The following PCBP3 variants were observed in gnomAD, a reference collection of about 807,000 sequenced individuals.
PCBP3 encodes poly(rC)-binding protein 3.
A neutral mutation model predicts 52.7 loss-of-function variants in PCBP3; 25 were observed. The ratio of observed to expected loss-of-function variants is 0.47; its 90% CI spans 0.35 to 0.66. The LOEUF is 0.66. Ranked by LOEUF, PCBP3 falls within the 30% of genes least tolerant of loss-of-function variation. The probability of loss-of-function intolerance (pLI) is 0.01; values close to 1 mark genes in which losing one functional copy is unlikely to be tolerated. For synonymous variants in PCBP3, 162 were observed against 183.0 expected, an observed-to-expected ratio of 0.89 and a Z score of 0.93; for missense variants, 391 against 490.3, an observed-to-expected ratio of 0.80 and a Z score of 1.91.
chr21:45,810,874 G>T (rs1302943010), intron 4 of PCBP3, among the ~76,000 whole-genome samples: 1 of 152,074 alleles, frequency 6.6e-6, no homozygotes, highest in African/African-American at 2.4e-5. Flanking sequence ...TTTACAGTTT[G>T]TATCAATTTT....
chr21:45,852,889 A>T lies in PCBP3; in HGVS notation c.10+2794A>T, dbSNP rs1158799471. 5.3e-5 allele frequency among the ~76,000 whole-genome samples: 8 copies of T among 152,376 alleles called. No individual in the cohort carries two copies. The East Asian group carries it at 1.5e-3, about 29-fold the overall frequency. ...ATCAGCAATAGTAAACTAATACAGTAACTTTTATAGAAAAATGGGTGAAGG... is the reference window on the plus strand; with the variant it reads ...ATCAGCAATAGTAAACTAATACAGTTACTTTTATAGAAAAATGGGTGAAGG... On this transcript the variant is annotated intron_variant, in intron 5 of 17. Coordinates refer to ENST00000681687, the MANE Select transcript of PCBP3 (RefSeq NM_001384156.1).
chr21:45,659,850 A>G (rs1381867383), intron 1 of PCBP3, among the ~76,000 whole-genome samples: 2 of 151,920 alleles, frequency 1.3e-5, no homozygotes, highest in African/African-American at 2.4e-5. Flanking sequence ...TTTGGGACTT[A>G]TTTTCTTGGC....
chr21:45,644,456 C>T (rs2146630108), intron 1 of PCBP3, among the ~76,000 whole-genome samples: 1 of 152,180 alleles, frequency 6.6e-6, no homozygotes, highest in East Asian at 1.9e-4. Context: ...GAACGTGTTT[C>T]TTATTGTCCC....
At chr21:45,879,669 A>G (rs1204283032) in intron 5 of PCBP3, among the ~76,000 whole-genome samples, 5 of 151,700 alleles carry the variant, frequency 3.3e-5, no homozygotes. Context: ...AGATAACTGG[A>G]AATTTTCCAA....
chr21:45,782,005 G>C (rs1383311928), intron 4 of PCBP3, among the ~76,000 whole-genome samples: 3 of 152,122 alleles, frequency 2.0e-5, no homozygotes, highest in Non-Finnish European at 4.4e-5. Flanking sequence ...GTGCCGTTAT[G>C]TGTATCAGTA....
At position 45,829,900 on chromosome 21, in the gene PCBP3, C is replaced by A. The variant is rs2093405051; in HGVS notation, c.-125-20061C>A. 1 of 152,770 alleles carries A rather than the reference C, an allele frequency of 6.5e-6. No homozygotes were observed. Among genetic ancestry groups the A allele is most frequent in the Admixed American group, 6.5e-5 (1 of 15,284 alleles). 9.5% of individuals were successfully genotyped at this position (152,770 alleles called of 1,614,324 possible). Reference sequence around the variant, plus strand: ...TTCTTCAAGTGGGCCCTCATCCTGGCAATCTCACCATGCCATGGCAACTGC... The same window carrying A: ...TTCTTCAAGTGGGCCCTCATCCTGGAAATCTCACCATGCCATGGCAACTGC... On this transcript the variant is annotated intron_variant, in intron 4 of 17. Transcript: ENST00000681687. This position sits in a 1 kb window ranked among gnomAD's most constrained non-coding sequence, Gnocchi z 5.2.
rs572641809 is a variant in PCBP3 at position 45,791,109 on chromosome 21, G to T, written c.-126+35657G>T. On this transcript the variant is annotated intron_variant, in intron 4 of 17. Coordinates refer to ENST00000681687, the MANE Select transcript of PCBP3 (RefSeq NM_001384156.1). The surrounding 1 kb of genome is among the most constrained non-coding windows in gnomAD (Gnocchi z 4.2). ...AGGCCAGCATCTTGCAGTGGCGAAG[G>T]TGCAGAGATGGTGGGGTCCATCCCA... Among the ~76,000 whole-genome samples, 138 of 152,298 alleles carry T rather than the reference G, an allele frequency of 9.1e-4. No homozygotes were observed. Among genetic ancestry groups the T allele is most frequent in the Middle Eastern group, 3.4e-3 (1 of 294 alleles).
At chr21:45,836,078 A>G (rs1365649981) in intron 4 of PCBP3, among the ~76,000 whole-genome samples, 1 of 152,194 alleles carries the variant, frequency 6.6e-6, no homozygotes, top group East Asian at 1.9e-4. Context: ...GGCCACCCAC[A>G]GTAGCTCCTC....
At chr21:45,673,480 G>A (rs1017389319) in intron 2 of PCBP3, 1 of 152,116 alleles carries the variant, frequency 6.6e-6, no homozygotes, top group Non-Finnish European at 1.5e-5. Flanking sequence ...GAAGAGTTTT[G>A]TATTTAAGTT....
chr21:45,879,190 GC>G (rs1207622502), intron 5 of PCBP3, among the ~76,000 whole-genome samples: 2 of 152,090 alleles, frequency 1.3e-5, no homozygotes, highest in Non-Finnish European at 2.9e-5. Context: ...TCTCTGTGTT[GC>G]CCGGGCTGGT....
intron 5 of PCBP3, among the ~76,000 whole-genome samples, chr21:45,864,267 G>C (rs986070691): frequency 1.3e-5 from 2 of 152,144 alleles, no homozygotes; most frequent in African/African-American, 2.4e-5. Context: ...CCACTAGCGT[G>C]GGGTACTGAA....
At chr21:45,915,127 C>T (rs1402685351) in intron 12 of PCBP3, 3 of 152,292 alleles carry the variant, frequency 2.0e-5, no homozygotes, top group Non-Finnish European at 4.4e-5. Flanking sequence ...ACACCCCTTC[C>T]TGTCTTGCTG....
chr21:45,686,075 C>T (rs896169064), intron 2 of PCBP3, among the ~76,000 whole-genome samples: 3 of 151,960 alleles, frequency 2.0e-5, no homozygotes, highest in African/African-American at 7.3e-5. Flanking sequence ...TCTGCTACCA[C>T]CTTGGCTAAT....
intron 2 of PCBP3, among the ~76,000 whole-genome samples, chr21:45,700,013 AT>A (rs2083016498): frequency 6.6e-6 from 1 of 152,138 alleles, no homozygotes; most frequent in Non-Finnish European, 1.5e-5. Context: ...ATTAGCTCAA[AT>A]GTCCACAGTC....
chr21:45,886,863 G>A (rs1369503018), intron 5 of PCBP3, among the ~76,000 whole-genome samples: 1 of 152,188 alleles, frequency 6.6e-6, no homozygotes, highest in Non-Finnish European at 1.5e-5. Flanking sequence ...AGCCACCCCC[G>A]CATGGGGTTC....
chr21:45,655,255 T>G (rs907221231), intron 1 of PCBP3, among the ~76,000 whole-genome samples: 2 of 152,024 alleles, frequency 1.3e-5, no homozygotes, highest in Non-Finnish European at 2.9e-5. Flanking sequence ...GTAACTCTGT[T>G]TAACTTTTTG....
At chr21:45,940,647 C>A (rs2077353262) in intron 17 of PCBP3, among the ~76,000 whole-genome samples, 1 of 151,544 alleles carries the variant, frequency 6.6e-6, no homozygotes, top group Non-Finnish European at 1.5e-5. Flanking sequence ...TCCATGGGTC[C>A]CTGTGCACAT....
chr21:45,910,958 A>T lies in PCBP3; in HGVS notation c.528A>T (p.Arg176=). 1 of 1,612,036 alleles carries T rather than the reference A, an allele frequency of 6.2e-7. No individual in the cohort carries two copies. Among genetic ancestry groups the T allele is most frequent in the Admixed American group, 1.7e-5 (1 of 59,984 alleles). Residue 176 remains arginine, a synonymous_variant, in exon 11 of 18, where the codon CGA becomes CGT. Transcript: ENST00000681687. ...ACATGCTGCCCAACTCCACGGAGCG[A>T]GCGGTGACCATCTCGGGGACCCCAG... ...AGDMLPNSTE[R]AVTISGTPDA...
At chr21:45,785,530 C>T (rs1410234838) in intron 4 of PCBP3, among the ~76,000 whole-genome samples, 49 of 147,426 alleles carry the variant, frequency 3.3e-4, no homozygotes, top group African/African-American at 8.5e-4. Flanking sequence ...GCCCCCCGCC[C>T]GGCCAGCCGC....
Sources: gnomAD v4.1 joint callset for allele counts (sites outside exome capture counted in the v4.1 genomes callset) on GRCh38, gnomAD v4.1.1 for gene constraint, Gnocchi (gnomAD v3.1) non-coding constraint, MANE v1.5 for transcripts, NCBI Gene and HGNC (gene_info 2026-07-23, HGNC 2026-07-21) for gene names.